TM9SF3: variants seen among roughly 807,000 people sequenced by gnomAD.
The protein encoded by TM9SF3 is transmembrane 9 superfamily member 3.
A neutral mutation model predicts 78.6 loss-of-function variants in TM9SF3; 14 were observed. That is an observed-to-expected ratio of 0.18 (90% confidence interval 0.12 to 0.28). TM9SF3 has a LOEUF of 0.28. TM9SF3 is among the 10% of genes least tolerant of loss of function. The probability of loss-of-function intolerance (pLI) is 1.00; values close to 1 mark genes in which losing one functional copy is unlikely to be tolerated. For synonymous variants in TM9SF3, 231 were observed against 241.7 expected (o/e 0.96, Z 0.41); for missense variants, 496 against 721.9 (o/e 0.69, Z 3.59).
intron 2 of TM9SF3, among the ~76,000 whole-genome samples, chr10:96,570,471 C>T (rs1006553085): frequency 6.6e-6 from 1 of 151,950 alleles, no homozygotes; most frequent in South Asian, 2.1e-4. Context: ...AAAAGAGATG[C>T]CCATATTTAT....
intron 9 of TM9SF3, among the ~76,000 whole-genome samples, chr10:96,540,843 T>C (rs1456958939): frequency 1.5e-5 from 2 of 132,582 alleles, no homozygotes; most frequent in Non-Finnish European, 3.1e-5. Flanking sequence ...AGTGGCACGA[T>C]CTCAGCTCAC....
intron 9 of TM9SF3, among the ~76,000 whole-genome samples, chr10:96,539,399 A>G (rs1362509000): frequency 6.6e-6 from 1 of 152,246 alleles, no homozygotes; most frequent in African/African-American, 2.4e-5. Flanking sequence ...GAATCTCAAA[A>G]TAATTTTCAT....
chr10:96,525,307 C>G (rs1227075143), intron 14 of TM9SF3, among the ~76,000 whole-genome samples: 4 of 152,084 alleles, frequency 2.6e-5, no homozygotes, highest in Non-Finnish European at 4.4e-5. Flanking sequence ...TCCCTCTCAT[C>G]TTTCTCTCAA....
At position 96,564,394 on chromosome 10, in the gene TM9SF3, T is replaced by C. The variant is rs114872217; in HGVS notation, c.421+910A>G. On this transcript the variant is annotated intron_variant, in intron 3 of 14. Transcript: ENST00000371142. ...AATATTCAGCACATCTTCCTACCACTGTCAGAGCGGATCAGAGAAATGTCT... is the reference window on the plus strand; with the variant it reads ...AATATTCAGCACATCTTCCTACCACCGTCAGAGCGGATCAGAGAAATGTCT... Among the ~76,000 whole-genome samples the C allele has an allele frequency of 8.6e-3, 1,309 of 152,308 alleles. 22 individuals carry two copies. Among genetic ancestry groups the C allele is most frequent in the African/African-American group, 0.03 (1,245 of 41,564 alleles).
At chr10:96,549,761 A>G (rs772726520) in intron 7 of TM9SF3, among the ~76,000 whole-genome samples, 1 of 142,956 alleles carries the variant, frequency 7.0e-6, no homozygotes, top group Non-Finnish European at 1.5e-5. Flanking sequence ...TACATTAGTG[A>G]GTGGTTTCTT....
At position 96,559,827 on chromosome 10, in the gene TM9SF3, C is replaced by T. The variant is rs111953439; in HGVS notation, c.583-91G>A. 318 of 666,636 alleles carry T rather than the reference C, an allele frequency of 4.8e-4. 2 individuals are homozygous for T. In the African/African-American group the frequency reaches 4.8e-3, roughly 10 times the overall value. 41.3% of individuals were successfully genotyped at this position (666,636 alleles called of 1,614,324 possible). On this transcript the variant is annotated intron_variant, in intron 4 of 14. Coordinates refer to ENST00000371142, the MANE Select transcript of TM9SF3 (RefSeq NM_020123.4). ...TCTGAGCAAAATATAGATTTACACACACTTAGAATTAAAATTCACTAGAGA... is the reference window on the plus strand; with the variant it reads ...TCTGAGCAAAATATAGATTTACACATACTTAGAATTAAAATTCACTAGAGA...
chr10:96,584,635 C>T (rs1455208898), intron 1 of TM9SF3, among the ~76,000 whole-genome samples: 2 of 152,072 alleles, frequency 1.3e-5, no homozygotes, highest in Middle Eastern at 3.2e-3. Flanking sequence ...GCCAACATGG[C>T]GAAATCCCCT....
chr10:96,564,760 A>C (rs1848350591), intron 3 of TM9SF3, among the ~76,000 whole-genome samples: 1 of 152,238 alleles, frequency 6.6e-6, no homozygotes, highest in South Asian at 2.1e-4. Context: ...TAAATAATTT[A>C]ATCAAGTCCA....
chr10:96,528,136 T>A lies in TM9SF3; in HGVS notation c.1436A>T (p.Tyr479Phe). 6.2e-7 allele frequency: 1 copy of A among 1,612,192 alleles called. No homozygotes were observed. The highest frequency in any genetic ancestry group is 1.1e-5 in the South Asian group (1 of 90,912). ...FTSFWAYKIY[Y>F]VYGFMMLVLV... Reference sequence around the variant, plus strand: ...CACCAGCATCATGAAGCCATAGACATAATAGATCTTATATGCCCAGAAAGA... The same window carrying A: ...CACCAGCATCATGAAGCCATAGACAAAATAGATCTTATATGCCCAGAAAGA... Residue 479 changes from tyrosine (Y) to phenylalanine (F), a missense_variant, in exon 12 of 15, where the codon TAT becomes TTT. Tyr to Phe is a conservative substitution (Grantham distance 22). Around this residue, in one of 4 missense-constraint regions of TM9SF3, gnomAD observed 280 missense variants for 422.6 expected, o/e 0.66. Transcript: ENST00000371142.
At chr10:96,572,507 C>T (rs1209983247) in intron 2 of TM9SF3, among the ~76,000 whole-genome samples, 2 of 149,670 alleles carry the variant, frequency 1.3e-5, no homozygotes, top group Non-Finnish European at 3.0e-5. Flanking sequence ...GTCAGCCCTT[C>T]TATATTTAAC....
In TM9SF3 at chr10:96,522,419, A is replaced by G. The variant is rs1448922679; in HGVS notation, c.1703-89T>C. ...ACACTAAATACTCTATGCTCTGGAA[A>G]GTTATTCTTTTTTAAAGAAAATATC... On this transcript the variant is annotated intron_variant, in intron 14 of 14. Transcript: ENST00000371142. 3.8e-6 allele frequency: 4 copies of G among 1,046,168 alleles called. No homozygotes were observed. In the African/African-American group the frequency reaches 6.8e-5, roughly 18 times the overall value. 64.8% of individuals were successfully genotyped at this position (1,046,168 alleles called of 1,614,324 possible).
intron 3 of TM9SF3, among the ~76,000 whole-genome samples, chr10:96,564,713 A>G (rs1190659929): frequency 6.6e-6 from 1 of 152,250 alleles, no homozygotes; most frequent in African/African-American, 2.4e-5. Context: ...ATGTGATCAA[A>G]CATATTGGCC....
chr10:96,586,255 G>A (rs887746438), intron 1 of TM9SF3, among the ~76,000 whole-genome samples: 2 of 152,222 alleles, frequency 1.3e-5, no homozygotes, highest in African/African-American at 2.4e-5. Context: ...AGCCAAAGGA[G>A]ACCATAAAGT....
intron 5 of TM9SF3, 41 bp from the exon 6 acceptor site, chr10:96,553,100 C>A: frequency 2.0e-6 from 3 of 1,531,484 alleles, no homozygotes; most frequent in South Asian, 1.3e-5. Flanking sequence ...CCTGCAATAT[C>A]AGCCACAAAA....
intron 1 of TM9SF3, among the ~76,000 whole-genome samples, chr10:96,579,082 G>C (rs1049221869): frequency 6.6e-6 from 1 of 152,164 alleles, no homozygotes; most frequent in African/African-American, 2.4e-5. Flanking sequence ...AGTCTCACAA[G>C]AAGAACCTAT....
intron 9 of TM9SF3, among the ~76,000 whole-genome samples, chr10:96,540,332 C>T (rs74613868): frequency 0.01 from 1,577 of 152,242 alleles, 31 homozygotes; most frequent in South Asian, 0.06. Context: ...TCTTCCTTTC[C>T]CTCCTGGAAA....
chr10:96,548,911 C>CT (rs1274035064), intron 7 of TM9SF3, among the ~76,000 whole-genome samples: 1 of 152,028 alleles, frequency 6.6e-6, no homozygotes, highest in Non-Finnish European at 1.5e-5. Context: ...ATGGGCATTC[C>CT]CTCCCCATGT....
At chr10:96,553,114 A>C in intron 5 of TM9SF3, 55 bp from the exon 6 acceptor site, 1 of 1,508,862 alleles carries the variant, frequency 6.6e-7, no homozygotes, top group Middle Eastern at 1.8e-4. Context: ...CACAAAATTC[A>C]TAGGTTCCAT....
intron 5 of TM9SF3, among the ~76,000 whole-genome samples, chr10:96,555,512 A>G (rs764010191): frequency 6.6e-6 from 1 of 152,218 alleles, no homozygotes; most frequent in Non-Finnish European, 1.5e-5. Context: ...TGATTAGGAC[A>G]TATGTTAACT....
Sources: gnomAD v4.1 joint callset for allele counts (sites outside exome capture counted in the v4.1 genomes callset) on GRCh38, gnomAD v4.1.1 for gene constraint, gnomAD v4.1.1 regional missense constraint, MANE v1.5 for transcripts, NCBI Gene and HGNC (gene_info 2026-07-23, HGNC 2026-07-21) for gene names.